GNB2: variants seen among roughly 807,000 people sequenced by gnomAD.
The protein encoded by GNB2 is guanine nucleotide-binding protein G(I)/G(S)/G(T) subunit beta-2.
GNB2 carries 7 observed loss-of-function variants against 40.7 expected under a neutral mutation model. The observed-to-expected ratio is 0.17, with a 90% CI of 0.10 to 0.32. GNB2 has a LOEUF of 0.32. Among genes scored for constraint, GNB2 ranks in the 10% least tolerant of loss-of-function variants. The probability of loss-of-function intolerance (pLI) is 1.00; values close to 1 mark genes in which losing one functional copy is unlikely to be tolerated. For synonymous variants in GNB2, 254 were observed against 191.2 expected (o/e 1.33, Z -2.71); for missense variants, 286 against 473.0 (o/e 0.60, Z 3.67).
intron 3 of GNB2, 49 bp downstream of exon 3, chr7:100,676,622 G>A: frequency 1.3e-6 from 2 of 1,564,812 alleles, no homozygotes; most frequent in East Asian, 4.5e-5. Context: ...AAGGGGCAAG[G>A]ATCAGAGGCC....
In GNB2 at chr7:100,678,260, G is replaced by A. The variant is rs1804402640; in HGVS notation, c.660G>A (p.Gln220=). The A allele has an allele frequency of 1.9e-6, 3 of 1,613,924 alleles. No individual in the cohort carries two copies. The African/African-American group carries it at 4.0e-5, about 22-fold the overall frequency. Residue 220 remains glutamine (Q), a synonymous_variant, in exon 8 of 10, where the codon CAG becomes CAA. Transcript: ENST00000303210. The stretch of plus-strand genomic sequence containing the variant: ...ACGTGCGGGATTCCATGTGCCGACA[G>A]ACCTTCATCGGCCATGAATCCGACA... ...LWDVRDSMCR[Q]TFIGHESDIN...
At chr7:100,677,466 G>C in intron 5 of GNB2, 32 bp from the exon 6 acceptor site, 1 of 1,613,072 alleles carries the variant, frequency 6.2e-7, no homozygotes, top group East Asian at 2.2e-5. Context: ...GCCCTGGCTG[G>C]CTCTGACCCC....
chr7:100,678,780 C>G lies in GNB2; in HGVS notation c.1002C>G (p.Ser334=), dbSNP rs1460857049. Reference sequence around the variant, plus strand: ...CTGTGGCCACGGGCTCCTGGGACTCCTTCCTCAAGATCTGGAACTAATGGC... The same window carrying G: ...CTGTGGCCACGGGCTCCTGGGACTCGTTCCTCAAGATCTGGAACTAATGGC... ...GMAVATGSWD[S]FLKIWN Residue 334 remains serine, a synonymous_variant, in exon 10 of 10, where the codon TCC becomes TCG. Coordinates refer to ENST00000303210, the MANE Select transcript of GNB2 (RefSeq NM_005273.4). 3 of 1,612,836 alleles carry G rather than the reference C, an allele frequency of 1.9e-6. No individual in the cohort carries two copies. Among genetic ancestry groups the G allele is most frequent in the Admixed American group, 3.3e-5 (2 of 60,014 alleles).
chr7:100,676,631 C>T (rs1804354649), intron 3 of GNB2, 58 bp downstream of exon 3: 2 of 1,531,444 alleles, frequency 1.3e-6, no homozygotes, highest in South Asian at 2.2e-5. Flanking sequence ...GGATCAGAGG[C>T]CGCTGCCCTC....
intron 1 of GNB2, among the ~76,000 whole-genome samples, chr7:100,674,631 C>T (rs1804310714): frequency 6.6e-6 from 1 of 152,220 alleles, no homozygotes; most frequent in Non-Finnish European, 1.5e-5. Flanking sequence ...AGGGACCCTC[C>T]CGTCACTCTC....
rs747491823 is a variant in GNB2 at position 100,678,149 on chromosome 7, C to T, written c.549C>T (p.His183=). 3 of 1,613,986 alleles carry T rather than the reference C, an allele frequency of 1.9e-6. No individual in the cohort carries two copies. The highest frequency in any genetic ancestry group is 2.5e-6 in the Non-Finnish European group (3 of 1,179,844). The change falls in exon 8 of 10, where the codon CAC becomes CAT. Residue 183 remains histidine, a synonymous_variant. Coordinates refer to ENST00000303210, the MANE Select transcript of GNB2 (RefSeq NM_005273.4). ...AGCAGACAGTGGGTTTTGCTGGACA[C>T]AGTGGGGATGTGATGTCCCTGTCCC... is the stretch of plus-strand genomic sequence containing the variant. ...TGQQTVGFAG[H]SGDVMSLSLA...
At position 100,678,183 on chromosome 7, in the gene GNB2, G is replaced by A. The variant is rs79631023; in HGVS notation, c.583G>A (p.Asp195Asn). 7.9e-4 allele frequency: 1,278 copies of A among 1,613,936 alleles called. 3 individuals carry two copies. Among genetic ancestry groups the A allele is most frequent in the African/African-American group, 7.3e-3 (551 of 75,038 alleles). ...TGTGATGTCCCTGTCCCTGGCCCCC[G>A]ATGGCCGCACGTTTGTGTCAGGCGC... ...GDVMSLSLAP[D>N]GRTFVSGACD... is the part of the protein sequence containing the mutation. Residue 195 changes from aspartate to asparagine, a missense_variant, in exon 8 of 10, where the codon GAT becomes AAT. Transcript: ENST00000303210.
chr7:100,678,398 T>A lies in GNB2; in HGVS notation c.700T>A (p.Phe234Ile). Residue 234 changes from phenylalanine to isoleucine, a missense_variant and splice_region_variant, in exon 9 of 10, where the codon TTC becomes ATC. Physicochemically the swap from Phe to Ile is conservative, Grantham distance 21 (BLOSUM62 0). Transcript: ENST00000303210. ...CCCATCTGGGTCCCGTGTCCTGCAG[T>A]TCTTCCCCAACGGCTACGCCTTCAC... ...GHESDINAVA[F>I]FPNGYAFTTG... 2.5e-6 allele frequency: 4 copies of A among 1,612,756 alleles called. No individual in the cohort carries two copies. Among genetic ancestry groups the A allele is most frequent in the Non-Finnish European group, 3.4e-6 (4 of 1,179,500 alleles).
rs990451110 is a variant in GNB2, at chr7:100,678,988, G to C, written c.*187G>C. 20 of 581,918 alleles carry C rather than the reference G, an allele frequency of 3.4e-5. No individual in the cohort carries two copies. Among genetic ancestry groups the C allele is most frequent in the African/African-American group, 3.4e-4 (18 of 53,724 alleles). 36.0% of individuals were successfully genotyped at this position (581,918 alleles called of 1,614,324 possible). On this transcript the variant is annotated 3_prime_UTR_variant, in exon 10 of 10. Transcript: ENST00000303210. ...TGTGGAGATAAGAAGGGGATGGAATGGGGGAAGAGGAGGAGCAGGAGGCCC... is the reference window on the plus strand; with the variant it reads ...TGTGGAGATAAGAAGGGGATGGAATCGGGGAAGAGGAGGAGCAGGAGGCCC...
At chr7:100,674,191 C>A (rs1804301662) in intron 1 of GNB2, among the ~76,000 whole-genome samples, 1 of 152,048 alleles carries the variant, frequency 6.6e-6, no homozygotes, top group Admixed American at 6.5e-5. Context: ...CTGCCTCTTG[C>A]TCCCTCGGAA....
rs1804342379 is a variant in GNB2 at position 100,676,187 on chromosome 7, A to AGCGG, written c.-78_-75dup. On this transcript the variant is annotated 5_prime_UTR_variant, in exon 2 of 10. Transcript: ENST00000303210. ...CCCTGCATCCCCCAGGCCTCGGGCCAGCGGCCAGGAGCTGCCTCCCCCAGC... is the reference window on the plus strand; with the variant it reads ...CCCTGCATCCCCCAGGCCTCGGGCCAGCGGGCGGCCAGGAGCTGCCTCCCCCAGC... The AGCGG allele has an allele frequency of 2.4e-6, 2 of 821,874 alleles. No individual in the cohort carries two copies. Among genetic ancestry groups the AGCGG allele is most frequent in the Non-Finnish European group, 3.9e-6 (2 of 515,414 alleles). The allele number at this position is 821,874 out of a possible 1,614,324, so 50.9% of individuals were successfully genotyped here.
In GNB2 at chr7:100,676,815, CGGGCT is replaced by C; in HGVS notation, c.203+19_203+23del. 6.9e-7 allele frequency: 1 copy of C among 1,445,742 alleles called. No individual in the cohort carries two copies. The highest frequency in any genetic ancestry group is 9.5e-7 in the Non-Finnish European group (1 of 1,055,082). 89.6% of individuals were successfully genotyped at this position (1,445,742 alleles called of 1,614,324 possible). ...CCGACTCAAGGTGTGTGTGTGTGCG[CGGGCT>C]GGCGCTGTGGGCCGACTTTCTAGCA... On this transcript the variant is annotated intron_variant, in intron 4 of 9. Coordinates refer to ENST00000303210, the MANE Select transcript of GNB2 (RefSeq NM_005273.4).
chr7:100,676,932 A>G (rs1320055291), intron 4 of GNB2, 133 bp downstream of exon 4: 10 of 622,598 alleles, frequency 1.6e-5, no homozygotes, highest in South Asian at 3.9e-5. Context: ...ACTCCCAGAC[A>G]TGTCCGCCAG....
At position 100,677,717 on chromosome 7, in the gene GNB2, C is replaced by T. The variant is rs562384981; in HGVS notation, c.431-35C>T. ...TGGGGTTGGGGGGTGCACTGCCCTC[C>T]GTGTGGAGACCTGGCTGACCAGCTC... is the stretch of plus-strand genomic sequence containing the variant. On this transcript the variant is annotated intron_variant, in intron 6 of 9. Transcript: ENST00000303210. 177 of 1,612,594 alleles carry T rather than the reference C, an allele frequency of 1.1e-4. 2 individuals carry two copies. In the Admixed American group the frequency reaches 2.1e-3, roughly 19 times the overall value.
At position 100,678,561 on chromosome 7, in the gene GNB2, GCTA is replaced by G; in HGVS notation, c.865_867del (p.Tyr289del). 6.2e-7 allele frequency: 1 copy of G among 1,613,856 alleles called. No individual in the cohort carries two copies. The highest frequency in any genetic ancestry group is 8.5e-7 in the Non-Finnish European group (1 of 1,180,016). On this transcript the variant is annotated inframe_deletion, in exon 9 of 10. Coordinates refer to ENST00000303210, the MANE Select transcript of GNB2 (RefSeq NM_005273.4). ...CGCAGCGGACGGCTGCTGCTCGCTG[GCTA>G]CGACGACTTCAACTGCAACATCTGG... is the stretch of plus-strand genomic sequence containing the variant.
Position 100,677,549 on chromosome 7 carries a change from C to T in GNB2, c.319C>T (p.Pro107Ser). 1 of 1,613,514 alleles carries T rather than the reference C, an allele frequency of 6.2e-7. No individual in the cohort carries two copies. Among genetic ancestry groups the T allele is most frequent in the South Asian group, 1.1e-5 (1 of 91,090 alleles). ...SSWVMTCAYA[P>S]SGNFVACGGL... ...CTGGGTAATGACCTGTGCCTACGCG[C>T]CCTCAGGGAACTTTGTGGCCTGTGG... The change falls in exon 6 of 10, where the codon CCC becomes TCC. Residue 107 changes from proline (P) to serine (S), a missense_variant. Transcript: ENST00000303210.
intron 2 of GNB2, 78 bp downstream of exon 2, chr7:100,676,400 T>C (rs754383974): frequency 8.8e-6 from 11 of 1,249,010 alleles, no homozygotes; most frequent in South Asian, 1.2e-5. Flanking sequence ...AGGGTGTTGG[T>C]GGGGGAAGGG....
At chr7:100,674,282 G>A (rs1042656519) in intron 1 of GNB2, among the ~76,000 whole-genome samples, 2 of 146,512 alleles carry the variant, frequency 1.4e-5, no homozygotes, top group Non-Finnish European at 3.0e-5. Flanking sequence ...CTGCCCCCGG[G>A]GAGCACCCCT....
intron 8 of GNB2, 34 bp downstream of exon 8, chr7:100,678,333 C>T (rs753114827): frequency 6.2e-7 from 1 of 1,603,312 alleles, no homozygotes; most frequent in South Asian, 1.1e-5. Context: ...CAGGCCCTCC[C>T]CACCAGGCTC....
Sources: allele counts gnomAD v4.1 joint callset (sites outside exome capture counted in the v4.1 genomes callset), GRCh38; gene constraint gnomAD v4.1.1; transcripts MANE v1.5; gene names NCBI Gene and HGNC (gene_info 2026-07-23, HGNC 2026-07-21).